Variants in SDK2 observed in about 807,000 individuals in gnomAD.
SDK2 encodes the protein sidekick cell adhesion molecule 2.
SDK2 carries 105 observed loss-of-function variants against 253.9 expected under a neutral mutation model. The ratio of observed to expected loss-of-function variants is 0.41; its 90% CI spans 0.35 to 0.49. SDK2 has a LOEUF of 0.49. SDK2 is among the 20% of genes least tolerant of loss of function. The pLI is 0.06. For missense variants in SDK2, 2,608 were observed against 3,003.0 expected, an observed-to-expected ratio of 0.87 and a Z score of 3.07; for synonymous variants, 1,249 against 1,234.9, an observed-to-expected ratio of 1.01 and a Z score of -0.24.
intron 1 of SDK2, among the ~76,000 whole-genome samples, chr17:73,566,317 A>ATGTGTGTGTGTGTGTGTGTGTG (rs763921480): frequency 1.4e-5 from 2 of 143,908 alleles, no homozygotes. Flanking sequence ...TCTTATATAT[A>ATGTGTGTGTGTGTGTGTGTGTG]TATGTGTGTG....
intron 40 of SDK2, among the ~76,000 whole-genome samples, chr17:73,355,047 GC>G (rs1393434593): frequency 6.6e-6 from 1 of 150,476 alleles, no homozygotes; most frequent in African/African-American, 2.5e-5. Flanking sequence ...TTTGGGGAAG[GC>G]CATGGGGACC....
chr17:73,564,832 AACAAAAAAC>A (rs1567845672), intron 1 of SDK2, among the ~76,000 whole-genome samples: 1 of 132,838 alleles, frequency 7.5e-6, no homozygotes, highest in African/African-American at 3.5e-5. Flanking sequence ...CTGAAAAAAA[AACAAAAAAC>A]AAAAACAAAC....
chr17:73,380,065 C>T (rs1428940509), intron 34 of SDK2, among the ~76,000 whole-genome samples: 3 of 152,150 alleles, frequency 2.0e-5, no homozygotes, highest in African/African-American at 7.2e-5. Flanking sequence ...GCTGAGAATG[C>T]CTGGCAGAAC....
intron 1 of SDK2, chr17:73,513,889 A>G (rs889922046): frequency 1.3e-5 from 2 of 152,230 alleles, no homozygotes; most frequent in Non-Finnish European, 2.9e-5. Flanking sequence ...CTTCAAGTAT[A>G]AAAATCAATT....
chr17:73,335,851 T>C lies in SDK2; in HGVS notation c.*2736A>G, dbSNP rs1204933200. 2 of 152,300 alleles carry C rather than the reference T, an allele frequency of 1.3e-5. No individual in the cohort carries two copies. The highest frequency in any genetic ancestry group is 4.8e-5 in the African/African-American group (2 of 41,462). The allele number at this position is 152,300 out of a possible 1,614,324, so 9.4% of individuals were successfully genotyped here. ...CTTTGCTAACACACATACAGATGTG[T>C]GTTCTGTGCATATTTGTGTGTGCAT... On this transcript the variant is annotated 3_prime_UTR_variant, in exon 45 of 45. Transcript: ENST00000392650.
At chr17:73,357,987 C>A (rs750219142) in intron 40 of SDK2, 92 bp downstream of exon 40, 17 of 1,578,392 alleles carry the variant, frequency 1.1e-5, no homozygotes, top group Admixed American at 1.7e-5. Flanking sequence ...CCTTCTCAGG[C>A]GGAGGACAGA....
rs538614438 is a variant in SDK2, at chr17:73,414,058, T to G, written c.2484+586A>C. ...TCTTTTTCTCTCTCTCTTCTTTTTT[T>G]TTTTTTGGGACAGAGTTTCATTCTG... On this transcript the variant is annotated intron_variant, in intron 18 of 44. Transcript: ENST00000392650. Among the ~76,000 whole-genome samples the G allele has an allele frequency of 6.4e-4, 98 of 152,016 alleles. 1 individual carries two copies. The highest frequency in any genetic ancestry group is 2.3e-3 in the African/African-American group (95 of 41,468).
Position 73,447,866 on chromosome 17 carries a change from A to G in SDK2, c.480-118T>C. 2 of 1,236,228 alleles carry G rather than the reference A, an allele frequency of 1.6e-6. No individual in the cohort carries two copies. The highest frequency in any genetic ancestry group is 2.3e-6 in the Non-Finnish European group (2 of 886,294). The allele number at this position is 1,236,228 out of a possible 1,614,324, so 76.6% of individuals were successfully genotyped here. A position where few individuals can be genotyped will look rare whatever the true frequency, so the allele number is the denominator to read the frequency against. ...CATATCTCCCAGTCCCCAGCCTCCC[A>G]GGGCCCCTCCTGCCACCCCCTCCCC... On this transcript the variant is annotated intron_variant, in intron 4 of 44. Transcript: ENST00000392650. This position sits in a 1 kb window ranked among gnomAD's most constrained non-coding sequence, Gnocchi z 4.0.
chr17:73,530,653 T>C (rs1250384455), intron 1 of SDK2, among the ~76,000 whole-genome samples: 1 of 152,154 alleles, frequency 6.6e-6, no homozygotes, highest in Non-Finnish European at 1.5e-5. Context: ...AGCAATGATG[T>C]CCAAATGGCA....
intron 1 of SDK2, among the ~76,000 whole-genome samples, chr17:73,515,437 G>A (rs2145775839): frequency 6.6e-6 from 1 of 152,262 alleles, no homozygotes; most frequent in East Asian, 1.9e-4. Context: ...TCTGGGATGA[G>A]GGCGAAACAG....
rs193107537 is a variant in SDK2, at chr17:73,481,809, A to G, written c.225-9591T>C. 3.3e-5 allele frequency among the ~76,000 whole-genome samples: 5 copies of G among 152,268 alleles called. No homozygotes were observed. In the East Asian group the frequency reaches 5.8e-4, roughly 18 times the overall value. On this transcript the variant is annotated intron_variant, in intron 2 of 44. Coordinates refer to ENST00000392650, the MANE Select transcript of SDK2 (RefSeq NM_001144952.2). The surrounding 1 kb of genome is among the most constrained non-coding windows in gnomAD (Gnocchi z 4.5). ...TCGGTTTCCAGGCCTTTGGGCCCAG[A>G]CTGAATTACGGTACTGGATTTCTTG...
rs951980505 is a variant in SDK2, at chr17:73,481,922, G to C, written c.225-9704C>G. Among the ~76,000 whole-genome samples the C allele has an allele frequency of 6.6e-6, 1 of 152,158 alleles. No individual in the cohort carries two copies. Among genetic ancestry groups the C allele is most frequent in the African/African-American group, 2.4e-5 (1 of 41,430 alleles). On this transcript the variant is annotated intron_variant, in intron 2 of 44. Transcript: ENST00000392650. This position sits in a 1 kb window ranked among gnomAD's most constrained non-coding sequence, Gnocchi z 4.5. ...GTCCCATAACGAACCTCGTGCATCTGTCTCTCTCCCATTGCTTCTGCTTCT... is the reference window on the plus strand; with the variant it reads ...GTCCCATAACGAACCTCGTGCATCTCTCTCTCTCCCATTGCTTCTGCTTCT...
At chr17:73,454,327 T>C (rs2063508185) in intron 4 of SDK2, among the ~76,000 whole-genome samples, 1 of 152,238 alleles carries the variant, frequency 6.6e-6, no homozygotes, top group African/African-American at 2.4e-5. Context: ...TGTGAACCTG[T>C]TTTCAGGCAC....
At chr17:73,363,933 G>T (rs951061028) in intron 38 of SDK2, among the ~76,000 whole-genome samples, 1 of 151,984 alleles carries the variant, frequency 6.6e-6, no homozygotes, top group Non-Finnish European at 1.5e-5. Flanking sequence ...TTTGCAGAAC[G>T]AGCTGCTGGC....
chr17:73,397,008 C>T (rs1041558729), intron 24 of SDK2, among the ~76,000 whole-genome samples: 6 of 152,306 alleles, frequency 3.9e-5, no homozygotes, highest in South Asian at 2.1e-4. Flanking sequence ...AAGCTGTCCG[C>T]GCACAGGAAC....
At chr17:73,633,443 T>G (rs2046293153) in intron 1 of SDK2, among the ~76,000 whole-genome samples, 1 of 152,084 alleles carries the variant, frequency 6.6e-6, no homozygotes, top group African/African-American at 2.4e-5. Flanking sequence ...AAAGCTGCAT[T>G]TACCTTCCCA....
In SDK2 at chr17:73,395,428, C is replaced by A; in HGVS notation, c.3355-36G>T. 6.4e-7 allele frequency: 1 copy of A among 1,564,218 alleles called. No homozygotes were observed. The highest frequency in any genetic ancestry group is 8.8e-7 in the Non-Finnish European group (1 of 1,136,396). On this transcript the variant is annotated intron_variant, in intron 24 of 44. Transcript: ENST00000392650. This position sits in a 1 kb window ranked among gnomAD's most constrained non-coding sequence, Gnocchi z 4.3. ...GCAGGGGTGGCAAAGCTGCTATGAG[C>A]CAGGCCCCCCACTGTGCAGGGAGGA...
chr17:73,380,165 G>A (rs2062818835), intron 34 of SDK2, among the ~76,000 whole-genome samples: 1 of 152,010 alleles, frequency 6.6e-6, no homozygotes, highest in Non-Finnish European at 1.5e-5. Flanking sequence ...CTTCTCTCTG[G>A]GTTCCCTGCC....
At chr17:73,446,571 A>T in intron 5 of SDK2, among the ~76,000 whole-genome samples, 1 of 152,188 alleles carries the variant, frequency 6.6e-6, no homozygotes, top group East Asian at 1.9e-4. Flanking sequence ...GGCCCTCTGG[A>T]CATGGACAGC....
Sources: allele counts gnomAD v4.1 joint callset (sites outside exome capture counted in the v4.1 genomes callset), GRCh38; gene constraint gnomAD v4.1.1; non-coding constraint Gnocchi (gnomAD v3.1); transcripts MANE v1.5; gene names NCBI Gene and HGNC (gene_info 2026-07-23, HGNC 2026-07-21).